FLVCR2: variants seen among roughly 807,000 people sequenced by gnomAD.
FLVCR2 encodes the protein FLVCR choline and putative heme transporter 2.
In FLVCR2, 38 loss-of-function variants were observed where a neutral mutation model predicts 48.9. That is an observed-to-expected ratio of 0.78 (90% CI 0.60 to 1.02). The LOEUF (loss-of-function observed/expected upper bound fraction) is 1.02. Among genes scored for constraint, FLVCR2 ranks in the 50% least tolerant of loss-of-function variants. The probability of loss-of-function intolerance (pLI) is 0.00; values close to 1 mark genes in which losing one functional copy is unlikely to be tolerated. For missense variants in FLVCR2, 664 were observed against 663.3 expected (o/e 1.00, Z -0.01); for synonymous variants, 255 against 257.0 (o/e 0.99, Z 0.07).
At chr14:75,640,897 C>T (rs1420908742) in intron 6 of FLVCR2, 58 bp from the exon 7 acceptor site, 6 of 1,245,390 alleles carry the variant, frequency 4.8e-6, no homozygotes, top group African/African-American at 4.4e-5. Flanking sequence ...AGGTGGGCTC[C>T]CCATCCTTCT....
chr14:75,633,635 A>G lies in FLVCR2; in HGVS notation c.959A>G (p.Asn320Ser). 2 of 1,613,968 alleles carry G rather than the reference A, an allele frequency of 1.2e-6. No individual in the cohort carries two copies. The highest frequency in any genetic ancestry group is 1.7e-6 in the Non-Finnish European group (2 of 1,179,820). Residue 320 changes from asparagine to serine, a missense_variant, in exon 4 of 10, where the codon AAT (asparagine) becomes AGT (serine). Physicochemically the swap from Asn to Ser is conservative, Grantham distance 46. Coordinates refer to ENST00000238667, the MANE Select transcript of FLVCR2 (RefSeq NM_017791.3). Reference sequence around the variant, plus strand: ...TTCTCGCTCCCTTCTTCAGGTCTGAATGCTGGTGCTTTTTATGCCTTGTCC... The same window carrying G: ...TTCTCGCTCCCTTCTTCAGGTCTGAGTGCTGGTGCTTTTTATGCCTTGTCC... The part of the protein sequence containing the change: ...FVLLVITYGL[N>S]AGAFYALSTL...
chr14:75,646,409 A>AGAG lies in FLVCR2; in HGVS notation c.1531_1533dup (p.Glu511dup), dbSNP rs772009705. 2 of 1,612,834 alleles carry AGAG rather than the reference A, an allele frequency of 1.2e-6. No individual in the cohort carries two copies. The highest frequency in any genetic ancestry group is 1.7e-5 in the Admixed American group (1 of 60,020). Reference sequence around the variant, plus strand: ...TTTGTTTTGCTTTATAGAAACTCCAAGAGGAGGAGGAGGAGAGCAACACCA... The same window carrying AGAG: ...TTTGTTTTGCTTTATAGAAACTCCAAGAGGAGGAGGAGGAGGAGAGCAACACCA... On this transcript the variant is annotated inframe_insertion, in exon 10 of 10. Coordinates refer to ENST00000238667, the MANE Select transcript of FLVCR2 (RefSeq NM_017791.3).
In FLVCR2 at chr14:75,646,390, T is replaced by G; in HGVS notation, c.1510-11T>G. 6.2e-7 allele frequency: 1 copy of G among 1,610,816 alleles called. No homozygotes were observed. The highest frequency in any genetic ancestry group is 8.5e-7 in the Non-Finnish European group (1 of 1,177,208). On this transcript the variant is annotated splice_polypyrimidine_tract_variant and intron_variant, in intron 9 of 9. Coordinates refer to ENST00000238667, the MANE Select transcript of FLVCR2 (RefSeq NM_017791.3). ...TTACCCACAGCACTGCCTGTTTGTT[T>G]TGCTTTATAGAAACTCCAAGAGGAG...
chr14:75,632,053 G>T lies in FLVCR2; in HGVS notation c.953-1576G>T, dbSNP rs3784001. Among the ~76,000 whole-genome samples the T allele has an allele frequency of 1.6e-3, 237 of 152,316 alleles. 3 individuals carry two copies. In the East Asian group the frequency reaches 0.021, roughly 13 times the overall value. On this transcript the variant is annotated intron_variant, in intron 3 of 9. Transcript: ENST00000238667. ...CCTTGTAGCATCCCTGGGGTGAACT[G>T]CTGGGAGAGGCTGGGACATGAGGAA...
chr14:75,610,182 GCA>G (rs1385255803), intron 1 of FLVCR2, among the ~76,000 whole-genome samples: 3 of 152,192 alleles, frequency 2.0e-5, no homozygotes, highest in African/African-American at 4.8e-5. Context: ...CTGGCTTTCA[GCA>G]CAGTCAGCTA....
In FLVCR2 at chr14:75,646,636, T is replaced by G; in HGVS notation, c.*164T>G. On this transcript the variant is annotated 3_prime_UTR_variant, in exon 10 of 10. Coordinates refer to ENST00000238667, the MANE Select transcript of FLVCR2 (RefSeq NM_017791.3). ...TTCCTCCTAGAACCCACGTAAGAGC[T>G]TGGATGATTTAGTTGGAGAAAATTG... The G allele has an allele frequency of 1.5e-6, 1 of 669,038 alleles. No homozygotes were observed. The highest frequency in any genetic ancestry group is 1.6e-5 in the South Asian group (1 of 64,258). 41.4% of individuals were successfully genotyped at this position (669,038 alleles called of 1,614,324 possible).
At position 75,647,172 on chromosome 14, in the gene FLVCR2, T is replaced by C. The variant is rs541717328; in HGVS notation, c.*700T>C. ...AGGGCTACCTACCTAGGTGTGATCA[T>C]GCTGGGGGCTACCTTCTGAGTATAT... On this transcript the variant is annotated 3_prime_UTR_variant, in exon 10 of 10. Coordinates refer to ENST00000238667, the MANE Select transcript of FLVCR2 (RefSeq NM_017791.3). 2.0e-5 allele frequency: 3 copies of C among 153,504 alleles called. No homozygotes were observed. Among genetic ancestry groups the C allele is most frequent in the East Asian group, 3.8e-4 (2 of 5,210 alleles). 9.5% of individuals were successfully genotyped at this position (153,504 alleles called of 1,614,324 possible).
At chr14:75,623,149 T>G (rs1889806688) in intron 2 of FLVCR2, among the ~76,000 whole-genome samples, 1 of 152,040 alleles carries the variant, frequency 6.6e-6, no homozygotes, top group Non-Finnish European at 1.5e-5. Flanking sequence ...GTCCGGCTAA[T>G]TTTTGTATTT....
At chr14:75,626,779 T>C (rs934955339) in intron 3 of FLVCR2, among the ~76,000 whole-genome samples, 10 of 151,926 alleles carry the variant, frequency 6.6e-5, no homozygotes, top group African/African-American at 2.4e-4. Flanking sequence ...CAGGATTCCA[T>C]GACTCTAAGA....
At position 75,624,680 on chromosome 14, in the gene FLVCR2, GA is replaced by G. The variant is rs1804984909; in HGVS notation, c.881del (p.Asp294ValfsTer5). The part of the protein sequence containing the change: ...QSLSYALTSP[D>X]ASYLGSIARL... Reference sequence around the variant, plus strand: ...CCTGAGCTATGCCTTGACCTCTCCTGATGCCTCATACTTAGGTTCCATCGCC... The same window carrying G: ...CCTGAGCTATGCCTTGACCTCTCCTGTGCCTCATACTTAGGTTCCATCGCC... On this transcript the variant is annotated frameshift_variant, in exon 3 of 10. Transcript: ENST00000238667. LOFTEE classifies it high-confidence loss of function. The G allele has an allele frequency of 6.2e-7, 1 of 1,613,948 alleles. No homozygotes were observed. Among genetic ancestry groups the G allele is most frequent in the African/African-American group, 1.3e-5 (1 of 74,876 alleles).
chr14:75,632,989 C>T, intron 3 of FLVCR2: 1 of 702,252 alleles, frequency 1.4e-6, no homozygotes, highest in Non-Finnish European at 2.6e-6. Context: ...TGCTGTATGA[C>T]TTTGGGCAAA....
Position 75,578,904 on chromosome 14 carries a change from G to C in FLVCR2, c.-69G>C, listed in dbSNP as rs1888520056. 3 of 1,412,730 alleles carry C rather than the reference G, an allele frequency of 2.1e-6. No individual in the cohort carries two copies. Among genetic ancestry groups the C allele is most frequent in the Non-Finnish European group, 3.0e-6 (3 of 998,046 alleles). The allele number at this position is 1,412,730 out of a possible 1,614,324, so 87.5% of individuals were successfully genotyped here. A position where few individuals can be genotyped will look rare whatever the true frequency, so the allele number is the denominator to read the frequency against. On this transcript the variant is annotated 5_prime_UTR_variant, in exon 1 of 10. Transcript: ENST00000238667. ...TCCTTTCAACTCTAAGAGACCAGCA[G>C]AGGCCACTGTCCCTTAAGACTGCCG...
chr14:75,599,717 C>G (rs1889116574), intron 1 of FLVCR2, among the ~76,000 whole-genome samples: 1 of 152,112 alleles, frequency 6.6e-6, no homozygotes, highest in Non-Finnish European at 1.5e-5. Flanking sequence ...TACTACAAAG[C>G]TACAGTAATG....
intron 1 of FLVCR2, among the ~76,000 whole-genome samples, chr14:75,616,026 C>CAAAAAAAAAAAAATA (rs1889605494): frequency 3.9e-5 from 1 of 25,618 alleles, no homozygotes; most frequent in Non-Finnish European, 6.5e-5. Context: ...GACTCCATCT[C>CAAAAAAAAAAAAATA]AAAAAAAAAA....
At chr14:75,584,517 G>A (rs1363171187) in intron 1 of FLVCR2, among the ~76,000 whole-genome samples, 1 of 152,194 alleles carries the variant, frequency 6.6e-6, no homozygotes, top group Non-Finnish European at 1.5e-5. Context: ...TTTACCTCGG[G>A]TAGTTTCTCT....
At chr14:75,582,290 G>A (rs187089532) in intron 1 of FLVCR2, among the ~76,000 whole-genome samples, 32 of 152,274 alleles carry the variant, frequency 2.1e-4, no homozygotes, top group African/African-American at 7.7e-4. Flanking sequence ...ATAACAGCAT[G>A]GTGGTGTAGG....
chr14:75,633,657 G>T lies in FLVCR2; in HGVS notation c.981G>T (p.Leu327Phe). Residue 327 changes from leucine to phenylalanine, a missense_variant, in exon 4 of 10, where the codon TTG (leucine) becomes TTT (phenylalanine). Transcript: ENST00000238667. ...TGAATGCTGGTGCTTTTTATGCCTT[G>T]TCCACTCTTCTGAATCGCATGGTGA... Reference protein sequence around the residue: ...YGLNAGAFYALSTLLNRMVIW... With the variant: ...YGLNAGAFYAFSTLLNRMVIW... The T allele has an allele frequency of 6.2e-7, 1 of 1,614,090 alleles. No individual in the cohort carries two copies. The highest frequency in any genetic ancestry group is 1.1e-5 in the South Asian group (1 of 91,078).
At chr14:75,622,286 G>A in intron 2 of FLVCR2, 66 bp downstream of exon 2, 1 of 1,470,696 alleles carries the variant, frequency 6.8e-7, no homozygotes, top group Non-Finnish European at 9.5e-7. Context: ...TGCTGACTTT[G>A]ATGGGACCCT....
intron 1 of FLVCR2, among the ~76,000 whole-genome samples, chr14:75,603,501 C>T (rs753427113): frequency 5.7e-4 from 87 of 152,184 alleles, no homozygotes; most frequent in African/African-American, 2.1e-3. Flanking sequence ...CCACTTCTAT[C>T]GGCAATAAAA....
Sources: allele counts gnomAD v4.1 joint callset (sites outside exome capture counted in the v4.1 genomes callset), GRCh38; gene constraint gnomAD v4.1.1; transcripts MANE v1.5; gene names NCBI Gene and HGNC (gene_info 2026-07-23, HGNC 2026-07-21).